The following SEMA3A variants were observed in gnomAD, a reference collection of about 807,000 sequenced individuals.
SEMA3A encodes the protein semaphorin-3A.
A neutral mutation model predicts 97.9 loss-of-function variants in SEMA3A; 29 were observed. The observed-to-expected ratio is 0.30, with a 90% confidence interval of 0.22 to 0.40. SEMA3A has a LOEUF of 0.40. SEMA3A is among the 10% of genes least tolerant of loss of function. SEMA3A has a pLI of 1.00. For missense variants in SEMA3A, 763 were observed against 951.3 expected, an observed-to-expected ratio of 0.80 and a Z score of 2.60; for synonymous variants, 321 against 323.7, an observed-to-expected ratio of 0.99 and a Z score of 0.09.
intron 15 of SEMA3A, among the ~76,000 whole-genome samples, chr7:83,967,523 G>A (rs1042538414): frequency 1.3e-5 from 2 of 152,206 alleles, no homozygotes; most frequent in African/African-American, 4.8e-5. Flanking sequence ...GGAAGGCTGA[G>A]GTGGACGGAT....
rs1562937308 is a variant in SEMA3A, at chr7:83,957,088, C to G, written c.*4283G>C. The G allele has an allele frequency of 2.0e-5, 3 of 152,648 alleles. No individual in the cohort carries two copies. The highest frequency in any genetic ancestry group is 4.1e-4 in the South Asian group (2 of 4,826). 9.5% of individuals were successfully genotyped at this position (152,648 alleles called of 1,614,324 possible). A position where few individuals can be genotyped will look rare whatever the true frequency, so the allele number is the denominator to read the frequency against. On this transcript the variant is annotated 3_prime_UTR_variant, in exon 17 of 17. Transcript: ENST00000265362. Reference sequence around the variant, plus strand: ...AGATACAAATCCTGCCCTCAAGGAGCTCACAGTCTAGAAATGGAGATGGAA... The same window carrying G: ...AGATACAAATCCTGCCCTCAAGGAGGTCACAGTCTAGAAATGGAGATGGAA...
intron 1 of SEMA3A, among the ~76,000 whole-genome samples, chr7:84,434,347 G>A (rs1458429620): frequency 3.3e-5 from 5 of 152,030 alleles, no homozygotes; most frequent in Non-Finnish European, 5.9e-5. Context: ...CCAATATTGA[G>A]TTCCAAAATT....
chr7:84,237,084 C>A (rs1032940858), intron 3 of SEMA3A, among the ~76,000 whole-genome samples: 1 of 151,750 alleles, frequency 6.6e-6, no homozygotes, highest in Non-Finnish European at 1.5e-5. Flanking sequence ...AAAGCAATGC[C>A]CAACATTAAT....
At chr7:84,063,997 A>G (rs1793369023) in intron 4 of SEMA3A, among the ~76,000 whole-genome samples, 1 of 151,686 alleles carries the variant, frequency 6.6e-6, no homozygotes, top group Non-Finnish European at 1.5e-5. Context: ...ATGAAGGAAA[A>G]AATGTTAAGG....
intron 3 of SEMA3A, among the ~76,000 whole-genome samples, chr7:84,264,812 C>G (rs1328137228): frequency 6.6e-6 from 1 of 152,174 alleles, no homozygotes. Context: ...TACCAAGACA[C>G]TGTCTCCTGT....
intron 1 of SEMA3A, among the ~76,000 whole-genome samples, chr7:84,393,522 G>T (rs1026099108): frequency 3.3e-5 from 5 of 152,096 alleles, no homozygotes; most frequent in Admixed American, 6.6e-5. Flanking sequence ...ACAGAATACA[G>T]AGCACAGAAA....
intron 13 of SEMA3A, among the ~76,000 whole-genome samples, chr7:83,983,615 T>C (rs1789513159): frequency 1.3e-5 from 2 of 152,136 alleles, no homozygotes; most frequent in African/African-American, 4.8e-5. Context: ...AAACCTGAAC[T>C]GTGATAAAAT....
rs1199983260 is a variant in SEMA3A at position 84,476,281 on chromosome 7, C to T, written c.-246+16179G>A. Reference sequence around the variant, plus strand: ...GGCTGAGGCAGGAGAATCGCTTCAACCCGGGAGGCGGAGGTTGCAGTGAGC... The same window carrying T: ...GGCTGAGGCAGGAGAATCGCTTCAATCCGGGAGGCGGAGGTTGCAGTGAGC... On this transcript the variant is annotated intron_variant, in intron 1 of 3. Transcript: ENST00000424555. 2.0e-5 allele frequency among the ~76,000 whole-genome samples: 3 copies of T among 151,662 alleles called. No homozygotes were observed. The South Asian group carries it at 6.3e-4, about 32-fold the overall frequency.
At position 83,957,124 on chromosome 7, in the gene SEMA3A, A is replaced by C. The variant is rs77908014; in HGVS notation, c.*4247T>G. ...GAAATGGAGATGGAAACATAAACAA[A>C]TAAATCACACATTGGGGTAGTGTGA... is the stretch of plus-strand genomic sequence containing the variant. On this transcript the variant is annotated 3_prime_UTR_variant, in exon 17 of 17. Transcript: ENST00000265362. The C allele has an allele frequency of 0.094, 14,378 of 152,454 alleles. 916 individuals carry two copies. The highest frequency in any genetic ancestry group is 0.21 in the Admixed American group (3,193 of 15,238). The allele number at this position is 152,454 out of a possible 1,614,324, so 9.4% of individuals were successfully genotyped here. A position where few individuals can be genotyped will look rare whatever the true frequency, so the allele number is the denominator to read the frequency against.
chr7:84,414,780 A>C (rs1804386810), intron 1 of SEMA3A, among the ~76,000 whole-genome samples: 2 of 152,126 alleles, frequency 1.3e-5, no homozygotes, highest in African/African-American at 4.8e-5. Flanking sequence ...ATTAAACTAA[A>C]AAGACAGGTA....
chr7:84,353,044 A>G (rs574452252), intron 2 of SEMA3A, among the ~76,000 whole-genome samples: 1 of 151,978 alleles, frequency 6.6e-6, no homozygotes, highest in East Asian at 1.9e-4. Context: ...TCACAGATAT[A>G]AAATGGCATA....
intron 3 of SEMA3A, among the ~76,000 whole-genome samples, chr7:84,292,898 A>G (rs1286008039): frequency 1.3e-5 from 2 of 152,044 alleles, no homozygotes; most frequent in Non-Finnish European, 2.9e-5. Context: ...CTATTCTCTG[A>G]AAGTTTTTCA....
chr7:84,302,396 GA>G (rs1801039333), intron 3 of SEMA3A, among the ~76,000 whole-genome samples: 1 of 152,062 alleles, frequency 6.6e-6, no homozygotes, highest in Non-Finnish European at 1.5e-5. Flanking sequence ...TAAAGTTAAT[GA>G]AGAAAAATAA....
At position 83,990,869 on chromosome 7, in the gene SEMA3A, G is replaced by C. The variant is rs917822741; in HGVS notation, c.1453-5392C>G. Among the ~76,000 whole-genome samples, 438 of 151,562 alleles carry C rather than the reference G, an allele frequency of 2.9e-3. 1 individual carries two copies. Among genetic ancestry groups the C allele is most frequent in the African/African-American group, 9.9e-3 (410 of 41,278 alleles). On this transcript the variant is annotated intron_variant, in intron 12 of 16. Coordinates refer to ENST00000265362, the MANE Select transcript of SEMA3A (RefSeq NM_006080.3). ...AATTCTGTGAAGAAAGGCATTGGTA[G>C]CTTGATGGGGATGGCATTGAATCTG... is the stretch of plus-strand genomic sequence containing the variant.
intron 1 of SEMA3A, 35 bp downstream of exon 1, chr7:84,194,440 C>CA (rs1798153189): frequency 7.0e-7 from 1 of 1,420,724 alleles, no homozygotes; most frequent in Non-Finnish European, 9.9e-7. Context: ...GCGGTTATTA[C>CA]AAAGCTAACC....
intron 6 of SEMA3A, among the ~76,000 whole-genome samples, chr7:84,030,451 T>A (rs1006141482): frequency 6.6e-6 from 1 of 152,118 alleles, no homozygotes; most frequent in Non-Finnish European, 1.5e-5. Flanking sequence ...TTTATTTTTT[T>A]AAAAGTTTCA....
In SEMA3A at chr7:84,203,502, G is replaced by GTATATATA. The variant is rs1178194583; in HGVS notation, c.-82-8842_-82-8835dup. ...GTAGAAAGTATTTCTTTGTGTGTGTGTATATATATATATATATATATATAT... is the reference window on the plus strand; with the variant it reads ...GTAGAAAGTATTTCTTTGTGTGTGTGTATATATATATATATATATATATATATATATAT... On this transcript the variant is annotated intron_variant, in intron 3 of 3. Transcript: ENST00000424555. Among the ~76,000 whole-genome samples, 91 of 56,994 alleles carry GTATATATA rather than the reference G, an allele frequency of 1.6e-3. 5 individuals are homozygous for GTATATATA. Among genetic ancestry groups the GTATATATA allele is most frequent in the Non-Finnish European group, 2.1e-3 (67 of 32,038 alleles). The allele number at this position is 56,994 out of a possible 152,430, so 37.4% of individuals were successfully genotyped here.
At chr7:84,371,426 G>T (rs1460328682) in intron 2 of SEMA3A, among the ~76,000 whole-genome samples, 2 of 151,762 alleles carry the variant, frequency 1.3e-5, no homozygotes, top group Non-Finnish European at 2.9e-5. Context: ...TTTTTAGAAA[G>T]TAATTTTCTA....
At position 84,024,272 on chromosome 7, in the gene SEMA3A, G is replaced by C. The variant is rs13247219; in HGVS notation, c.668-9921C>G. 8.1e-3 allele frequency among the ~76,000 whole-genome samples: 1,228 copies of C among 152,266 alleles called. 7 individuals are homozygous for C. Among genetic ancestry groups the C allele is most frequent in the Non-Finnish European group, 0.013 (881 of 68,030 alleles). ...AATAACAACTTGGCTGGGCGCGGTG[G>C]CTCACGCCTGTAATCCCGGCACCAT... On this transcript the variant is annotated intron_variant, in intron 6 of 16. Transcript: ENST00000265362.
Sources: allele counts gnomAD v4.1 joint callset (sites outside exome capture counted in the v4.1 genomes callset), GRCh38; gene constraint gnomAD v4.1.1; transcripts MANE v1.5; gene names NCBI Gene and HGNC (gene_info 2026-07-23, HGNC 2026-07-21).